Variants in AIFM1 observed in about 807,000 individuals in gnomAD.
The protein encoded by AIFM1 is apoptosis inducing factor mitochondria associated 1.
Under a neutral mutation model 51.7 loss-of-function variants are expected in AIFM1, and 3 were observed. The ratio of observed to expected loss-of-function variants is 0.06; its 90% CI spans 0.03 to 0.15. The LOEUF is 0.15. Among genes scored for constraint, AIFM1 ranks in the 10% least tolerant of loss-of-function variants. The pLI is 1.00. For missense variants in AIFM1, 330 were observed against 476.8 expected, an observed-to-expected ratio of 0.69 and a Z score of 2.87; for synonymous variants, 178 against 179.4, an observed-to-expected ratio of 0.99 and a Z score of 0.06.
At chrX:130,158,184 A>T (rs1190733005) in intron 1 of AIFM1, among the ~76,000 whole-genome samples, 3 of 110,999 alleles carry the variant, frequency 2.7e-5, no homozygotes, top group African/African-American at 9.8e-5. Context: ...GAATAGCTTG[A>T]ACCCAGGAGG....
chrX:130,153,332 GAC>G (rs2031057134), intron 2 of AIFM1, among the ~76,000 whole-genome samples: 1 of 85,507 alleles, frequency 1.2e-5, no homozygotes, highest in Non-Finnish European at 2.2e-5. Context: ...CAGCCTGGGC[GAC>G]ACAGAGAGAC....
rs777684681 is a variant in AIFM1 at position 130,165,626 on chromosome X, C to G, written c.31G>C (p.Ala11Pro). 1 of 1,200,978 alleles carries G rather than the reference C, an allele frequency of 8.3e-7. No individual in the cohort carries two copies. The highest frequency in any genetic ancestry group is 1.1e-6 in the Non-Finnish European group (1 of 889,677). Residue 11 changes from alanine (A) to proline (P), a missense_variant, in exon 1 of 16, where the codon GCT becomes CCT. By Grantham distance (27) the Ala-to-Pro change is conservative. This residue lies in a region of AIFM1 where 110 missense variants were observed against 103.1 expected (regional missense o/e 1.07). Coordinates refer to ENST00000287295, the MANE Select transcript of AIFM1 (RefSeq NM_004208.4). ...AAGGGCACCAGCTTCTGCTTCAAAG[C>G]ACCCGCCGCCAGGCCTCCACACCGG... MFRCGGLAAG[A>P]LKQKLVPLVR... is the part of the protein sequence containing the mutation.
chrX:130,145,118 G>A (rs1207778787), intron 6 of AIFM1, among the ~76,000 whole-genome samples: 1 of 112,239 alleles, frequency 8.9e-6, no homozygotes, highest in African/African-American at 3.2e-5. Flanking sequence ...AATATATTCC[G>A]TGCTGAGTTA....
chrX:130,136,304 A>C, intron 11 of AIFM1, 119 bp from the exon 12 acceptor site: 4 of 843,163 alleles, frequency 4.7e-6, no homozygotes, highest in Non-Finnish European at 6.9e-6. Flanking sequence ...GGGTTAACTT[A>C]CCTCTGATAA....
At chrX:130,133,096 T>G (rs1441704844) in intron 13 of AIFM1, among the ~76,000 whole-genome samples, 3 of 111,821 alleles carry the variant, frequency 2.7e-5, no homozygotes, top group Non-Finnish European at 3.8e-5. Context: ...TTTTTTCTCT[T>G]TTAATGTTTT....
At chrX:130,156,726 C>G (rs1418127660) in intron 1 of AIFM1, 123 bp from the exon 2 acceptor site, 6 of 754,227 alleles carry the variant, frequency 8.0e-6, no homozygotes, top group Non-Finnish European at 1.2e-5. Context: ...GTTAAATGAT[C>G]AAGAAAAATA....
chrX:130,136,965 T>A (rs2030368641), intron 10 of AIFM1, 113 bp downstream of exon 10: 6 of 1,188,088 alleles, frequency 5.1e-6, no homozygotes, highest in Non-Finnish European at 6.8e-6. Context: ...GTGGAAACAT[T>A]TTACAGGCCA....
intron 2 of AIFM1, among the ~76,000 whole-genome samples, chrX:130,152,130 G>A (rs1444037345): frequency 9.1e-6 from 1 of 110,139 alleles, no homozygotes; most frequent in Non-Finnish European, 1.9e-5. Flanking sequence ...AAAGAAAAAA[G>A]AAAAGAAAAA....
chrX:130,162,298 G>A (rs1427230398), intron 1 of AIFM1, among the ~76,000 whole-genome samples: 1 of 111,821 alleles, frequency 8.9e-6, no homozygotes, highest in Non-Finnish European at 1.9e-5. Context: ...CAAAACAGAA[G>A]GGGAAGAGTC....
At chrX:130,155,300 T>A (rs757514475) in intron 2 of AIFM1, 10 of 1,205,534 alleles carry the variant, frequency 8.3e-6, no homozygotes, top group Non-Finnish European at 1.1e-5. Flanking sequence ...TAGGTAAAGA[T>A]AAGGCCAAGA....
chrX:130,140,682 A>C, intron 6 of AIFM1, 65 bp from the exon 7 acceptor site: 1 of 861,807 alleles, frequency 1.2e-6, no homozygotes, highest in Non-Finnish European at 1.7e-6. Context: ...AGTTTTATTG[A>C]GATATAATTC....
At chrX:130,151,151 T>G (rs1473498855) in intron 2 of AIFM1, among the ~76,000 whole-genome samples, 2 of 107,960 alleles carry the variant, frequency 1.9e-5, no homozygotes, top group Non-Finnish European at 3.8e-5. Flanking sequence ...TCTTTTCTTT[T>G]TTTTTTTGAG....
intron 2 of AIFM1, among the ~76,000 whole-genome samples, chrX:130,153,376 T>G (rs1406838033): frequency 1.1e-5 from 1 of 93,136 alleles, no homozygotes; most frequent in African/African-American, 4.0e-5. Context: ...AAAAAAAAAG[T>G]CGGCAGTTTA....
chrX:130,130,064 T>C lies in AIFM1; in HGVS notation c.1676A>G (p.Asp559Gly), dbSNP rs1394889162. The change falls in exon 15 of 16, where the codon GAC becomes GGC. Residue 559 changes from aspartate to glycine, a missense_variant. By Grantham distance (94) the Asp-to-Gly change is moderately conservative (BLOSUM62 -1). Around this residue, in one of 4 missense-constraint regions of AIFM1, gnomAD observed 56 missense variants for 48.8 expected, o/e 1.15. Coordinates refer to ENST00000287295, the MANE Select transcript of AIFM1 (RefSeq NM_004208.4). ...GTAGAAGATGACACCTTTGCCGTAG[T>C]CCTCCCCCTGGACGGGAGCCTGTGG... ...AVPQAPVQGE[D>G]YGKGVIFYLR... 1.7e-6 allele frequency: 2 copies of C among 1,211,556 alleles called. No homozygotes were observed. Among genetic ancestry groups the C allele is most frequent in the Non-Finnish European group, 2.2e-6 (2 of 895,464 alleles).
At chrX:130,135,548 A>G (rs1464453288) in intron 12 of AIFM1, among the ~76,000 whole-genome samples, 2 of 109,857 alleles carry the variant, frequency 1.8e-5, no homozygotes, top group African/African-American at 6.6e-5. Context: ...GTAACTAGCA[A>G]TGGGGAAATT....
rs1460782158 is a variant in AIFM1, at chrX:130,136,190, G to C, written c.1165-5C>G. ...CACTATGTGGTCAGTTTCTACCTGA[G>C]GCAAAAAAGAAATAATTCAGTCAAT... On this transcript the variant is annotated splice_region_variant and splice_polypyrimidine_tract_variant and intron_variant, in intron 11 of 15. Coordinates refer to ENST00000287295, the MANE Select transcript of AIFM1 (RefSeq NM_004208.4). 2 of 1,210,148 alleles carry C rather than the reference G, an allele frequency of 1.7e-6. No homozygotes were observed. The highest frequency in any genetic ancestry group is 2.2e-6 in the Non-Finnish European group (2 of 895,151).
chrX:130,160,107 T>C (rs1025135790), intron 1 of AIFM1, among the ~76,000 whole-genome samples: 4 of 112,308 alleles, frequency 3.6e-5, no homozygotes, highest in African/African-American at 1.3e-4. Context: ...AGAAATGTAA[T>C]ACACTACTCT....
intron 1 of AIFM1, among the ~76,000 whole-genome samples, chrX:130,158,734 C>T (rs1366837252): frequency 4.1e-5 from 3 of 72,869 alleles, no homozygotes; most frequent in Non-Finnish European, 7.8e-5. Flanking sequence ...AAAAAAAAAT[C>T]GCAAAAAAAT....
At position 130,131,534 on chromosome X, in the gene AIFM1, G is replaced by A. The variant is rs376962943; in HGVS notation, c.1573+141C>T. On this transcript the variant is annotated intron_variant, in intron 14 of 15. Transcript: ENST00000287295. ...AGACCACTAAAGAGTGAGGACTTGG[G>A]GTTTGGTTTCTTTTAAAGCACAACA... 7 of 894,713 alleles carry A rather than the reference G, an allele frequency of 7.8e-6. No individual in the cohort carries two copies. In the East Asian group the frequency reaches 1.3e-4, roughly 16 times the overall value. 73.7% of individuals were successfully genotyped at this position (894,713 alleles called of 1,213,427 possible).
Sources: allele counts gnomAD v4.1 joint callset (sites outside exome capture counted in the v4.1 genomes callset), GRCh38; gene constraint gnomAD v4.1.1; regional missense constraint gnomAD v4.1.1; transcripts MANE v1.5; gene names NCBI Gene and HGNC (gene_info 2026-07-23, HGNC 2026-07-21).